The following SMG6 variants were observed in gnomAD, a reference collection of about 807,000 sequenced individuals.
SMG6 encodes SMG6 nonsense mediated mRNA decay factor.
SMG6 carries 66 observed loss-of-function variants against 142.2 expected under a neutral mutation model. That is an observed-to-expected ratio of 0.46 (90% confidence interval 0.38 to 0.57). The LOEUF is 0.57. Ranked by LOEUF, SMG6 falls within the 20% of genes least tolerant of loss-of-function variation. SMG6 has a pLI of 0.00. For missense variants in SMG6, 1,793 were observed against 1,832.0 expected, an observed-to-expected ratio of 0.98 and a Z score of 0.39; for synonymous variants, 779 against 702.4, an observed-to-expected ratio of 1.11 and a Z score of -1.72.
intron 10 of SMG6, among the ~76,000 whole-genome samples, chr17:2,208,289 CCTT>C (rs2072749000): frequency 6.6e-6 from 1 of 152,190 alleles, no homozygotes; most frequent in South Asian, 2.1e-4. Context: ...CTAAGTCGTT[CCTT>C]CAAGATCCAG....
chr17:2,291,230 C>A (rs1385504144), intron 6 of SMG6, among the ~76,000 whole-genome samples: 1 of 151,950 alleles, frequency 6.6e-6, no homozygotes, highest in Non-Finnish European at 1.5e-5. Context: ...ACTCGGGAGG[C>A]TGAGGCAGGA....
intron 15 of SMG6, among the ~76,000 whole-genome samples, chr17:2,080,315 G>A (rs1468952563): frequency 6.6e-6 from 1 of 152,028 alleles, no homozygotes; most frequent in Admixed American, 6.6e-5. Context: ...CTACTCTGGA[G>A]GCTGAGGCAA....
intron 13 of SMG6, among the ~76,000 whole-genome samples, chr17:2,149,907 A>C (rs1449796736): frequency 6.6e-6 from 1 of 152,202 alleles, no homozygotes; most frequent in African/African-American, 2.4e-5. Context: ...ATGTTTTGTA[A>C]TCCTAAAAGG....
intron 13 of SMG6, among the ~76,000 whole-genome samples, chr17:2,170,082 T>C (rs2071456461): frequency 6.6e-6 from 1 of 151,860 alleles, no homozygotes; most frequent in Non-Finnish European, 1.5e-5. Flanking sequence ...TGGGGAAGGG[T>C]AAAGGAAGAC....
At chr17:2,228,721 T>C (rs1230525587) in intron 10 of SMG6, among the ~76,000 whole-genome samples, 6 of 152,162 alleles carry the variant, frequency 3.9e-5, no homozygotes, top group South Asian at 2.1e-4. Context: ...ACATACTAGG[T>C]GATAACACTA....
Position 2,303,654 on chromosome 17 carries a change from C to A in SMG6, c.67G>T (p.Ala23Ser). 1.3e-6 allele frequency: 2 copies of A among 1,489,686 alleles called. No individual in the cohort carries two copies. Among genetic ancestry groups the A allele is most frequent in the South Asian group, 2.5e-5 (2 of 79,496 alleles). The allele number at this position is 1,489,686 out of a possible 1,614,324, so 92.3% of individuals were successfully genotyped here. ...SELRGILATL[A>S]PQAGSRENMK... ...TCACCTCTGCTCCCGGCCTGCGGGGCCAGAGTAGCCAGGATCCCGCGCAGC... is the reference window on the plus strand; with the variant it reads ...TCACCTCTGCTCCCGGCCTGCGGGGACAGAGTAGCCAGGATCCCGCGCAGC... Residue 23 changes from alanine (A) to serine (S), a missense_variant, in exon 1 of 19, where the codon GCC (alanine) becomes TCC (serine). Physicochemically the swap from Ala to Ser is moderately conservative, Grantham distance 99. Transcript: ENST00000263073.
At chr17:2,140,294 T>C (rs2070436677) in intron 13 of SMG6, among the ~76,000 whole-genome samples, 1 of 152,074 alleles carries the variant, frequency 6.6e-6, no homozygotes, top group South Asian at 2.1e-4. Context: ...TGATATCAAG[T>C]GATCTGCATG....
chr17:2,226,080 A>C lies in SMG6; in HGVS notation c.2869+10412T>G, dbSNP rs184893674. 3.5e-3 allele frequency among the ~76,000 whole-genome samples: 530 copies of C among 152,274 alleles called. 1 individual carries two copies. Among genetic ancestry groups the C allele is most frequent in the South Asian group, 7.5e-3 (36 of 4,830 alleles). ...CGCCTGAGGTCGGGAGTTCAAGACCAGCCTGACCAACATGGAGAAACCCTG... is the reference window on the plus strand; with the variant it reads ...CGCCTGAGGTCGGGAGTTCAAGACCCGCCTGACCAACATGGAGAAACCCTG... On this transcript the variant is annotated intron_variant, in intron 10 of 18. Coordinates refer to ENST00000263073, the MANE Select transcript of SMG6 (RefSeq NM_017575.5).
chr17:2,295,580 A>T (rs1284048777), intron 4 of SMG6, among the ~76,000 whole-genome samples: 1 of 152,164 alleles, frequency 6.6e-6, no homozygotes, highest in Non-Finnish European at 1.5e-5. Flanking sequence ...TAGTAATCTT[A>T]ACATTTGACA....
At chr17:2,159,881 G>A (rs960222595) in intron 13 of SMG6, among the ~76,000 whole-genome samples, 1 of 152,178 alleles carries the variant, frequency 6.6e-6, no homozygotes, top group Non-Finnish European at 1.5e-5. Flanking sequence ...AATCTCAGAC[G>A]TTATGCTGAG....
chr17:2,219,800 T>TAA (rs2073120634), intron 10 of SMG6, among the ~76,000 whole-genome samples: 1 of 64,732 alleles, frequency 1.5e-5, no homozygotes, highest in Non-Finnish European at 3.0e-5. Flanking sequence ...CAAGACCCTT[T>TAA]ATCAAAAAAA....
At chr17:2,065,721 A>C (rs372611058) in intron 16 of SMG6, 42 bp from the exon 17 acceptor site, 5 of 1,536,876 alleles carry the variant, frequency 3.3e-6, no homozygotes, top group Non-Finnish European at 4.4e-6. Context: ...CTCAGCAATC[A>C]GCTTTCATCC....
At chr17:2,095,534 C>G (rs2068833332) in intron 13 of SMG6, among the ~76,000 whole-genome samples, 1 of 152,210 alleles carries the variant, frequency 6.6e-6, no homozygotes, top group African/African-American at 2.4e-5. Flanking sequence ...GGGGACTCAT[C>G]ACAGAACAAA....
At chr17:2,132,000 A>C (rs2070136927) in intron 13 of SMG6, among the ~76,000 whole-genome samples, 1 of 152,032 alleles carries the variant, frequency 6.6e-6, no homozygotes, top group African/African-American at 2.4e-5. Flanking sequence ...TCAACACAGG[A>C]GGCGGAGGTT....
chr17:2,299,223 G>T lies in SMG6; in HGVS notation c.1530C>A (p.Tyr510Ter), dbSNP rs1363915497. The change falls in exon 2 of 19, where the codon TAC (tyrosine) becomes TAA (stop). Residue 510 changes from tyrosine to a stop codon, truncating the protein, a stop_gained. Transcript: ENST00000263073. LOFTEE classifies it high-confidence loss of function. This position sits in a 1 kb window ranked among gnomAD's most constrained non-coding sequence, Gnocchi z 4.3. ...GGGAGGCAGGGCCTGGTGTCCGGGG[G>T]TAATAATAGGGGTTGTCAGAGTTTT... is the stretch of plus-strand genomic sequence containing the variant. ...KFQNSDNPYY[Y>*]PRTPGPASQY... 6.2e-7 allele frequency: 1 copy of T among 1,613,928 alleles called. No homozygotes were observed. The highest frequency in any genetic ancestry group is 1.7e-5 in the Admixed American group (1 of 59,998).
intron 13 of SMG6, among the ~76,000 whole-genome samples, chr17:2,114,969 T>TAAA (rs1491206662): frequency 2.4e-4 from 17 of 70,128 alleles, no homozygotes; most frequent in Non-Finnish European, 2.7e-4. Flanking sequence ...TGAAATGAAA[T>TAAA]GAAATAAAAT....
intron 10 of SMG6, chr17:2,232,951 G>A (rs910112266): frequency 1.3e-5 from 2 of 152,186 alleles, no homozygotes; most frequent in African/African-American, 4.8e-5. Context: ...CTTCTGCAGT[G>A]TCCAAAGCTT....
intron 4 of SMG6, among the ~76,000 whole-genome samples, chr17:2,293,249 T>C (rs997259179): frequency 6.6e-6 from 1 of 152,034 alleles, no homozygotes; most frequent in Non-Finnish European, 1.5e-5. Flanking sequence ...CCCAGGCAAA[T>C]GAAAGAAAAT....
At chr17:2,240,327 G>A (rs567272414) in intron 9 of SMG6, 1 of 152,176 alleles carries the variant, frequency 6.6e-6, no homozygotes, top group East Asian at 1.9e-4. Context: ...CTCAGATGCT[G>A]AGGAACACAG....
Sources: allele counts gnomAD v4.1 joint callset (sites outside exome capture counted in the v4.1 genomes callset), GRCh38; gene constraint gnomAD v4.1.1; non-coding constraint Gnocchi (gnomAD v3.1); transcripts MANE v1.5; gene names NCBI Gene and HGNC (gene_info 2026-07-23, HGNC 2026-07-21).